The following CNTLN variants were observed in gnomAD, a reference collection of about 807,000 sequenced individuals.
CNTLN encodes the protein centlein, also known as centlein, centrosomal protein.
CNTLN carries 212 observed loss-of-function variants against 180.0 expected under a neutral mutation model. The ratio of observed to expected loss-of-function variants is 1.18; its 90% CI spans 1.05 to 1.32. The LOEUF (loss-of-function observed/expected upper bound fraction) is 1.32. Among genes scored for constraint, CNTLN ranks in the 40% most tolerant of loss-of-function variants. The probability of loss-of-function intolerance (pLI) is 0.00; values close to 1 mark genes in which losing one functional copy is unlikely to be tolerated. For missense variants in CNTLN, 2,095 were observed against 1,610.9 expected (o/e 1.30, Z -5.14); for synonymous variants, 722 against 563.1 (o/e 1.28, Z -3.99).
At chr9:17,439,482 A>G (rs1171867808) in intron 18 of CNTLN, among the ~76,000 whole-genome samples, 1 of 152,216 alleles carries the variant, frequency 6.6e-6, no homozygotes, top group African/African-American at 2.4e-5. Context: ...CAAAATGAAA[A>G]TGAAAAATAC....
At chr9:17,155,251 A>G (rs1453658844) in intron 2 of CNTLN, among the ~76,000 whole-genome samples, 3 of 152,216 alleles carry the variant, frequency 2.0e-5, no homozygotes, top group Non-Finnish European at 4.4e-5. Context: ...GAGACCAAGA[A>G]CCCACTAGAA....
intron 2 of CNTLN, among the ~76,000 whole-genome samples, chr9:17,205,691 A>T (rs936890884): frequency 2.6e-5 from 4 of 152,216 alleles, no homozygotes; most frequent in Non-Finnish European, 5.9e-5. Flanking sequence ...TGGCCTTACT[A>T]CTTGGATGCC....
intron 7 of CNTLN, among the ~76,000 whole-genome samples, chr9:17,308,691 C>G (rs1818913555): frequency 6.6e-6 from 1 of 151,562 alleles, no homozygotes. Context: ...TGTCATGGTT[C>G]ATTTCAGGTC....
chr9:17,490,093 T>C (rs552111319), intron 25 of CNTLN, among the ~76,000 whole-genome samples: 23 of 152,146 alleles, frequency 1.5e-4, no homozygotes, highest in African/African-American at 5.3e-4. Flanking sequence ...GGAGAAAAGA[T>C]AGAAATAGGA....
chr9:17,373,067 G>C (rs1371889635), intron 13 of CNTLN, among the ~76,000 whole-genome samples: 1 of 152,040 alleles, frequency 6.6e-6, no homozygotes, highest in Non-Finnish European at 1.5e-5. Flanking sequence ...TTTAAGATTT[G>C]GAACGTGACC....
chr9:17,137,970 G>C (rs1306658131), intron 1 of CNTLN, among the ~76,000 whole-genome samples: 1 of 152,144 alleles, frequency 6.6e-6, no homozygotes, highest in East Asian at 1.9e-4. Flanking sequence ...AAGAAAAAGT[G>C]ATTAATTTCA....
intron 13 of CNTLN, among the ~76,000 whole-genome samples, chr9:17,371,835 T>A (rs1404279587): frequency 1.3e-5 from 2 of 152,126 alleles, no homozygotes; most frequent in Non-Finnish European, 2.9e-5. Context: ...TGCAGACATA[T>A]GGAAATTAAA....
chr9:17,294,801 T>G (rs1422395252), intron 6 of CNTLN, among the ~76,000 whole-genome samples: 48 of 4,954 alleles, frequency 9.7e-3, no homozygotes, highest in Admixed American at 0.026. Context: ...GGGGGGAGGG[T>G]GGGGGGGAGT....
intron 5 of CNTLN, among the ~76,000 whole-genome samples, chr9:17,265,223 C>T (rs1326786858): frequency 6.6e-6 from 1 of 151,106 alleles, no homozygotes; most frequent in Non-Finnish European, 1.5e-5. Flanking sequence ...CCATCAATAC[C>T]TAATTTATTG....
At chr9:17,513,275 A>T in the CNTLN span, among the ~76,000 whole-genome samples, 1 of 150,372 alleles carries the variant, frequency 6.7e-6, no homozygotes, top group Non-Finnish European at 1.5e-5. Flanking sequence ...GAAAATGAGA[A>T]TACTTTTTTT....
chr9:17,522,179 T>C, the CNTLN span, among the ~76,000 whole-genome samples: 1 of 152,184 alleles, frequency 6.6e-6, no homozygotes, highest in African/African-American at 2.4e-5. Context: ...GAGGTAATAA[T>C]ACATGGACGT....
At chr9:17,383,677 A>G (rs1284228667) in intron 13 of CNTLN, among the ~76,000 whole-genome samples, 1 of 151,640 alleles carries the variant, frequency 6.6e-6, no homozygotes, top group African/African-American at 2.4e-5. Flanking sequence ...TTGTTCTGTC[A>G]CCCAGGCTGG....
intron 18 of CNTLN, among the ~76,000 whole-genome samples, chr9:17,425,878 T>A (rs1426172005): frequency 6.6e-6 from 1 of 152,224 alleles, no homozygotes; most frequent in Admixed American, 6.5e-5. Context: ...CTTGGTTAAA[T>A]CTAAAGGAGA....
downstream of CNTLN, among the ~76,000 whole-genome samples, chr9:17,504,691 A>G (rs1421270796): frequency 1.3e-5 from 2 of 152,268 alleles, no homozygotes; most frequent in East Asian, 3.9e-4. Context: ...AGAGAGGTAG[A>G]AAGAGAAATT....
chr9:17,505,532 T>C (rs2134442873), downstream of CNTLN, among the ~76,000 whole-genome samples: 1 of 152,200 alleles, frequency 6.6e-6, no homozygotes, highest in African/African-American at 2.4e-5. Context: ...TACAATACAA[T>C]GTACAATTTC....
At chr9:17,139,839 G>C (rs1007752013) in intron 1 of CNTLN, among the ~76,000 whole-genome samples, 7 of 152,058 alleles carry the variant, frequency 4.6e-5, no homozygotes, top group Non-Finnish European at 8.8e-5. Flanking sequence ...AGAGTAGCTA[G>C]GACTACAGGT....
chr9:17,260,593 T>A (rs1826889044), intron 5 of CNTLN, among the ~76,000 whole-genome samples: 1 of 151,354 alleles, frequency 6.6e-6, no homozygotes, highest in East Asian at 1.9e-4. Context: ...AGATGCATAA[T>A]TTGTGAAAAT....
the CNTLN span, among the ~76,000 whole-genome samples, chr9:17,528,515 CTG>C: frequency 1.3e-5 from 2 of 152,306 alleles, no homozygotes; most frequent in Admixed American, 1.3e-4. Context: ...CGAAAGGACA[CTG>C]AGGAGATATG....
chr9:17,421,582 T>C (rs1828729007), intron 18 of CNTLN, among the ~76,000 whole-genome samples: 1 of 152,128 alleles, frequency 6.6e-6, no homozygotes, highest in African/African-American at 2.4e-5. Context: ...TTATTATTCA[T>C]AGATGAGTAC....
Sources: allele counts gnomAD v4.1 joint callset (sites outside exome capture counted in the v4.1 genomes callset), GRCh38; gene constraint gnomAD v4.1.1; transcripts MANE v1.5; gene names NCBI Gene and HGNC (gene_info 2026-07-23, HGNC 2026-07-21).